Variants in NXPH1 observed in about 807,000 individuals in gnomAD.
NXPH1 encodes the protein neurexophilin-1.
In NXPH1, 5 loss-of-function variants were observed where a neutral mutation model predicts 23.7. The ratio of observed to expected loss-of-function variants is 0.21; its 90% confidence interval spans 0.11 to 0.44. The LOEUF is 0.44. NXPH1 is among the 20% of genes least tolerant of loss of function. The pLI, the probability that NXPH1 is intolerant of heterozygous loss-of-function variation, is 0.99. For missense variants in NXPH1, 324 were observed against 321.6 expected (o/e 1.01, Z -0.06); for synonymous variants, 144 against 122.2 (o/e 1.18, Z -1.18).
rs142028539 is a variant in NXPH1, at chr7:8,692,604, C to G, written c.55-58404C>G. 5.9e-5 allele frequency among the ~76,000 whole-genome samples: 9 copies of G among 152,270 alleles called. No homozygotes were observed. The East Asian group carries it at 1.7e-3, about 29-fold the overall frequency. On this transcript the variant is annotated intron_variant, in intron 2 of 2. Coordinates refer to ENST00000405863, the MANE Select transcript of NXPH1 (RefSeq NM_152745.3). ...CTGTTTAGTTTTCTTGGCCTATTAT[C>G]TGGAAAAGTGCTACTCAACCTTTCT... is the stretch of plus-strand genomic sequence containing the variant.
intron 2 of NXPH1, among the ~76,000 whole-genome samples, chr7:8,553,148 GC>G (rs1423001626): frequency 6.6e-6 from 1 of 151,362 alleles, no homozygotes; most frequent in Non-Finnish European, 1.5e-5. Flanking sequence ...ATTCTCTTTG[GC>G]TGAAAAAGAA....
chr7:8,496,201 G>A (rs2128611870), intron 2 of NXPH1, among the ~76,000 whole-genome samples: 1 of 152,066 alleles, frequency 6.6e-6, no homozygotes, highest in East Asian at 1.9e-4. Flanking sequence ...TTCATGTCGG[G>A]CCTTTCTTTA....
At chr7:8,690,677 T>C (rs1373588294) in intron 2 of NXPH1, among the ~76,000 whole-genome samples, 1 of 152,206 alleles carries the variant, frequency 6.6e-6, no homozygotes, top group Non-Finnish European at 1.5e-5. Flanking sequence ...TCTATGGAAA[T>C]TGTAGTTTAC....
chr7:8,739,171 TAAAAAAAAAAAAAAAAAAAAA>T (rs34593997), intron 2 of NXPH1, among the ~76,000 whole-genome samples: 2 of 54,046 alleles, frequency 3.7e-5, no homozygotes, highest in African/African-American at 7.7e-5. Context: ...ACCAGTGGGG[TAAAAAAAAAAAAAAAAAAAAA>T]AAAAAAAAAA....
intron 2 of NXPH1, among the ~76,000 whole-genome samples, chr7:8,515,235 G>A (rs1198806496): frequency 2.0e-5 from 3 of 152,178 alleles, no homozygotes; most frequent in African/African-American, 4.8e-5. Context: ...GGGCAGATGT[G>A]TGTCTAGGTG....
chr7:8,539,443 T>C (rs761079682), intron 2 of NXPH1, among the ~76,000 whole-genome samples: 1 of 151,710 alleles, frequency 6.6e-6, no homozygotes, highest in Admixed American at 6.6e-5. Flanking sequence ...ATAGCAGAAA[T>C]AGAAAAAAGT....
intron 2 of NXPH1, among the ~76,000 whole-genome samples, chr7:8,508,788 C>T (rs1041539615): frequency 3.3e-5 from 5 of 152,044 alleles, no homozygotes; most frequent in Admixed American, 6.6e-5. Context: ...GCACAGTGAT[C>T]TGAAGTCTTT....
At chr7:8,566,851 AT>A (rs1028336015) in intron 2 of NXPH1, among the ~76,000 whole-genome samples, 154 of 141,786 alleles carry the variant, frequency 1.1e-3, no homozygotes, top group South Asian at 3.6e-3. Context: ...ATTCATTCAT[AT>A]TTTTTTTCTC....
intron 2 of NXPH1, among the ~76,000 whole-genome samples, chr7:8,552,601 T>C (rs978351269): frequency 6.6e-6 from 1 of 151,672 alleles, no homozygotes; most frequent in East Asian, 2.0e-4. Context: ...TATGATTTCT[T>C]GAACTGTTTT....
intron 2 of NXPH1, among the ~76,000 whole-genome samples, chr7:8,554,466 T>G (rs2349490): frequency 0.056 from 8,557 of 151,722 alleles, 295 homozygotes; most frequent in Middle Eastern, 0.1. Context: ...TTTGGGTGTA[T>G]GTGAGTGGGT....
chr7:8,512,184 A>ACG (rs1817622705), intron 2 of NXPH1, among the ~76,000 whole-genome samples: 1 of 152,182 alleles, frequency 6.6e-6, no homozygotes, highest in East Asian at 1.9e-4. Context: ...AAGAGAACTT[A>ACG]GCAATTTTGC....
intron 2 of NXPH1, among the ~76,000 whole-genome samples, chr7:8,474,887 C>T (rs1816942871): frequency 6.6e-6 from 1 of 152,100 alleles, no homozygotes; most frequent in African/African-American, 2.4e-5. Context: ...GAAGCTGCGG[C>T]CATGCTGGTT....
intron 2 of NXPH1, among the ~76,000 whole-genome samples, chr7:8,622,153 C>T (rs1178880132): frequency 6.6e-6 from 1 of 152,160 alleles, no homozygotes; most frequent in African/African-American, 2.4e-5. Context: ...TTATTCTACA[C>T]TTAAAGCAAG....
chr7:8,501,900 C>A (rs915505898), intron 2 of NXPH1, among the ~76,000 whole-genome samples: 3 of 152,044 alleles, frequency 2.0e-5, no homozygotes, highest in Non-Finnish European at 4.4e-5. Context: ...GGCCTATATA[C>A]CCATCCAGTG....
chr7:8,635,292 G>T (rs1473458033), intron 2 of NXPH1, among the ~76,000 whole-genome samples: 1 of 152,196 alleles, frequency 6.6e-6, no homozygotes, highest in East Asian at 1.9e-4. Context: ...ACACACAGCA[G>T]TCTTTGTTGC....
intron 2 of NXPH1, among the ~76,000 whole-genome samples, chr7:8,538,063 G>T (rs965588755): frequency 6.6e-6 from 1 of 151,882 alleles, no homozygotes; most frequent in Admixed American, 6.6e-5. Flanking sequence ...CTAAGATCAA[G>T]TGTAATAATA....
chr7:8,703,310 C>G (rs80104790), intron 2 of NXPH1, among the ~76,000 whole-genome samples: 1 of 152,110 alleles, frequency 6.6e-6, no homozygotes, highest in African/African-American at 2.4e-5. Flanking sequence ...ATTATTACGT[C>G]TGTGCTACTT....
In NXPH1 at chr7:8,751,475, G is replaced by A; in HGVS notation, c.522G>A (p.Val174=). 1 of 1,613,742 alleles carries A rather than the reference G, an allele frequency of 6.2e-7. No homozygotes were observed. The change falls in exon 3 of 3, where the codon GTG becomes GTA. Residue 174 remains valine (V), a synonymous_variant. Transcript: ENST00000405863. This position sits in a 1 kb window ranked among gnomAD's most constrained non-coding sequence, Gnocchi z 4.5. ...GCTTGGTACCCCCTACAAAAATCGT[G>A]GAATTTGACTTGGCACAACAAACCG... is the stretch of plus-strand genomic sequence containing the variant. ...SVSLVPPTKI[V]EFDLAQQTVI... is the part of the protein sequence containing the mutation.
chr7:8,690,918 A>G (rs1308800134), intron 2 of NXPH1, among the ~76,000 whole-genome samples: 1 of 152,114 alleles, frequency 6.6e-6, no homozygotes, highest in African/African-American at 2.4e-5. Flanking sequence ...AGGATCTTGC[A>G]CTGCTCCTTT....
Sources: allele counts gnomAD v4.1 joint callset (sites outside exome capture counted in the v4.1 genomes callset), GRCh38; gene constraint gnomAD v4.1.1; non-coding constraint Gnocchi (gnomAD v3.1); transcripts MANE v1.5; gene names NCBI Gene and HGNC (gene_info 2026-07-23, HGNC 2026-07-21).